The following SLC2A9 variants were observed in gnomAD, a reference collection of about 807,000 sequenced individuals.
The protein encoded by SLC2A9 is solute carrier family 2, facilitated glucose transporter member 9.
In SLC2A9, 39 loss-of-function variants were observed where a neutral mutation model predicts 50.6. The observed-to-expected ratio is 0.77, with a 90% CI of 0.60 to 1.01. The LOEUF (loss-of-function observed/expected upper bound fraction) is 1.01. Among genes scored for constraint, SLC2A9 ranks in the 50% least tolerant of loss-of-function variants. The pLI is 0.00. For synonymous variants in SLC2A9, 324 were observed against 276.9 expected (o/e 1.17, Z -1.69); for missense variants, 686 against 677.6 (o/e 1.01, Z -0.14).
Position 9,950,578 on chromosome 4 carries a change from CTAT to C in SLC2A9, c.682-8536_682-8534del, listed in dbSNP as rs1387960715. 1.3e-4 allele frequency among the ~76,000 whole-genome samples: 15 copies of C among 116,870 alleles called. No homozygotes were observed. The Admixed American group carries it at 1.3e-3, about 10-fold the overall frequency. The allele number at this position is 116,870 out of a possible 152,430, so 76.7% of individuals were successfully genotyped here. ...TATCATCTCACCCCTGTCAAAATGG[CTAT>C]TATTAAATGACAGATGCTGGCAAGG... is the stretch of plus-strand genomic sequence containing the variant. On this transcript the variant is annotated intron_variant, in intron 5 of 11. Transcript: ENST00000264784.
chr4:9,807,570 T>A (rs183766304), intron 3 of SLC2A9, among the ~76,000 whole-genome samples: 17 of 152,240 alleles, frequency 1.1e-4, no homozygotes, highest in Admixed American at 1.0e-3. Flanking sequence ...GCATTTCCAG[T>A]GCATAGCATC....
chr4:10,020,921 C>G (rs529132683), intron 1 of SLC2A9, among the ~76,000 whole-genome samples: 2 of 152,346 alleles, frequency 1.3e-5, no homozygotes, highest in Admixed American at 1.3e-4. Context: ...ACTCACTGCA[C>G]GGGCAGAGGG....
intron 5 of SLC2A9, among the ~76,000 whole-genome samples, chr4:9,944,990 A>G (rs942465077): frequency 1.3e-5 from 2 of 152,156 alleles, no homozygotes; most frequent in Non-Finnish European, 2.9e-5. Context: ...TAGCCTGCTC[A>G]CTCATTCCTG....
chr4:9,814,785 G>A lies in SLC2A9; in HGVS notation n.420+11635C>T, dbSNP rs35582635. On this transcript the variant is annotated intron_variant and non_coding_transcript_variant, in intron 3 of 3. Coordinates refer to the SLC2A9 transcript ENST00000503280. ...GTGTTTATCAACTTCTGCTTGTATC[G>A]CATTTTCTGATGTCTCAGTGGTAAA... Among the ~76,000 whole-genome samples the A allele has an allele frequency of 5.5e-3, 832 of 152,120 alleles. 5 individuals carry two copies. The highest frequency in any genetic ancestry group is 0.025 in the South Asian group (120 of 4,808).
intron 1 of SLC2A9, 36 bp from the exon 2 acceptor site, chr4:10,019,109 G>C: frequency 6.5e-7 from 1 of 1,532,548 alleles, no homozygotes; most frequent in Non-Finnish European, 8.8e-7. Context: ...AGCCGGCACC[G>C]GGCGCGCAGC....
intron 8 of SLC2A9, among the ~76,000 whole-genome samples, chr4:9,906,695 CACA>C (rs1740730561): frequency 6.6e-6 from 1 of 152,186 alleles, no homozygotes. Context: ...TTGATTTCTT[CACA>C]ACACCAATAA....
chr4:9,986,481 G>A (rs1324433982), intron 3 of SLC2A9, among the ~76,000 whole-genome samples: 2 of 152,200 alleles, frequency 1.3e-5, no homozygotes, highest in Non-Finnish European at 2.9e-5. Context: ...AAATGGGGGT[G>A]CAGGCCCCAG....
intron 10 of SLC2A9, among the ~76,000 whole-genome samples, chr4:9,862,072 A>AGACAGCAGAAGTGACATGACCTCC (rs1731747659): frequency 6.6e-6 from 1 of 152,186 alleles, no homozygotes; most frequent in African/African-American, 2.4e-5. Flanking sequence ...AGCTGAAGGC[A>AGACAGCAGAAGTGACATGACCTCC]TGTAAAAAGA....
At chr4:10,038,077 T>C (rs1403859112) in intron 1 of SLC2A9, among the ~76,000 whole-genome samples, 1 of 152,176 alleles carries the variant, frequency 6.6e-6, no homozygotes, top group Non-Finnish European at 1.5e-5. Flanking sequence ...CCCATCACAC[T>C]GTCTGGAAAA....
At position 9,929,777 on chromosome 4, in the gene SLC2A9, C is replaced by A. The variant is rs560196690; in HGVS notation, c.815-9205G>T. Among the ~76,000 whole-genome samples the A allele has an allele frequency of 3.6e-3, 521 of 145,416 alleles. 3 individuals are homozygous for A. The highest frequency in any genetic ancestry group is 0.012 in the African/African-American group (474 of 39,408). On this transcript the variant is annotated intron_variant, in intron 6 of 11. Transcript: ENST00000264784. ...CCAGCAATGCTTCCTGGAAGCTCAG[C>A]CAGCTGGGGCTGCTATAACATCATA...
intron 2 of SLC2A9, among the ~76,000 whole-genome samples, chr4:10,016,549 G>A (rs1023687770): frequency 1.3e-5 from 2 of 152,066 alleles, no homozygotes; most frequent in Admixed American, 1.3e-4. Context: ...CACCCTGGCT[G>A]TGTAGATCTT....
chr4:9,896,487 G>A (rs1455498608), intron 8 of SLC2A9, among the ~76,000 whole-genome samples: 1 of 152,112 alleles, frequency 6.6e-6, no homozygotes, highest in African/African-American at 2.4e-5. Context: ...AGTTCTTTAT[G>A]TATTCTGAAT....
chr4:10,026,841 C>G (rs1376916945), intron 1 of SLC2A9, among the ~76,000 whole-genome samples: 2 of 152,098 alleles, frequency 1.3e-5, no homozygotes, highest in African/African-American at 4.8e-5. Context: ...GTTGGGAGTT[C>G]AAGACCAGCC....
chr4:9,974,746 A>G (rs1754505652), intron 5 of SLC2A9, among the ~76,000 whole-genome samples: 1 of 152,178 alleles, frequency 6.6e-6, no homozygotes, highest in Non-Finnish European at 1.5e-5. Context: ...CAAACTAGAA[A>G]AAAAAATTCT....
At chr4:10,013,327 T>C (rs1360019104) in intron 2 of SLC2A9, among the ~76,000 whole-genome samples, 1 of 152,160 alleles carries the variant, frequency 6.6e-6, no homozygotes, top group Non-Finnish European at 1.5e-5. Context: ...AGGACCCTTG[T>C]GGATGCACGA....
intron 2 of SLC2A9, among the ~76,000 whole-genome samples, chr4:9,998,091 A>G (rs1007945247): frequency 6.6e-6 from 1 of 152,236 alleles, no homozygotes; most frequent in African/African-American, 2.4e-5. Context: ...ACAACTTCAC[A>G]TTCACTAGAG....
chr4:10,008,301 T>A (rs1441578226), intron 2 of SLC2A9, among the ~76,000 whole-genome samples: 2 of 151,830 alleles, frequency 1.3e-5, no homozygotes, highest in Non-Finnish European at 2.9e-5. Context: ...GCGGGGGGAG[T>A]TGGCACTCAC....
intron 10 of SLC2A9, among the ~76,000 whole-genome samples, chr4:9,881,392 T>C (rs1307847382): frequency 1.3e-5 from 2 of 152,226 alleles, no homozygotes; most frequent in African/African-American, 4.8e-5. Context: ...AAGGTTCGTT[T>C]GACATGAACT....
intron 10 of SLC2A9, among the ~76,000 whole-genome samples, chr4:9,858,968 T>G (rs555148494): frequency 1.3e-5 from 2 of 152,328 alleles, no homozygotes; most frequent in South Asian, 4.1e-4. Context: ...TTCCTGCCCT[T>G]GAACATCAGA....
Sources: allele counts gnomAD v4.1 joint callset (sites outside exome capture counted in the v4.1 genomes callset), GRCh38; gene constraint gnomAD v4.1.1; transcripts MANE v1.5; gene names NCBI Gene and HGNC (gene_info 2026-07-23, HGNC 2026-07-21).